The following PAPPA variants were observed in gnomAD, a reference collection of about 807,000 sequenced individuals.
The protein encoded by PAPPA is pappalysin-1.
In PAPPA, 60 loss-of-function variants were observed where a neutral mutation model predicts 164.0. The ratio of observed to expected loss-of-function variants is 0.37; its 90% CI spans 0.30 to 0.45. The LOEUF (loss-of-function observed/expected upper bound fraction) is 0.45. Among genes scored for constraint, PAPPA ranks in the 20% least tolerant of loss-of-function variants. PAPPA has a pLI of 1.00. For synonymous variants in PAPPA, 875 were observed against 814.1 expected, an observed-to-expected ratio of 1.07 and a Z score of -1.27; for missense variants, 1,782 against 2,087.3, an observed-to-expected ratio of 0.85 and a Z score of 2.85.
chr9:116,358,508 TG>T (rs1185371788), intron 17 of PAPPA, among the ~76,000 whole-genome samples: 1 of 152,230 alleles, frequency 6.6e-6, no homozygotes, highest in African/African-American at 2.4e-5. Flanking sequence ...ATGGGGAAGC[TG>T]GTGTAAACTG....
chr9:116,319,496 A>G (rs1845827290), intron 10 of PAPPA, among the ~76,000 whole-genome samples: 1 of 152,036 alleles, frequency 6.6e-6, no homozygotes, highest in South Asian at 2.1e-4. Flanking sequence ...CAGTACTTCC[A>G]CTGCTATTGT....
chr9:116,366,592 C>T (rs1383305333), intron 18 of PAPPA, among the ~76,000 whole-genome samples: 1 of 152,214 alleles, frequency 6.6e-6, no homozygotes, highest in African/African-American at 2.4e-5. Flanking sequence ...TACTTATTCA[C>T]TCACTGTCTC....
At chr9:116,261,283 A>T (rs1484931583) in intron 7 of PAPPA, among the ~76,000 whole-genome samples, 1 of 152,226 alleles carries the variant, frequency 6.6e-6, no homozygotes, top group Non-Finnish European at 1.5e-5. Context: ...CTATTTGAAG[A>T]GATAGACAAT....
intron 9 of PAPPA, among the ~76,000 whole-genome samples, chr9:116,290,548 A>C (rs751932708): frequency 6.6e-6 from 1 of 152,292 alleles, no homozygotes; most frequent in Non-Finnish European, 1.5e-5. Flanking sequence ...TGACTTGTCC[A>C]AAGTCATAGG....
chr9:116,293,799 A>T (rs1454324694), intron 9 of PAPPA, among the ~76,000 whole-genome samples: 1 of 152,120 alleles, frequency 6.6e-6, no homozygotes, highest in Non-Finnish European at 1.5e-5. Context: ...TATTCAAAAT[A>T]CAAAAAATTC....
chr9:116,204,737 G>A (rs1334949766), intron 2 of PAPPA, among the ~76,000 whole-genome samples: 1 of 152,128 alleles, frequency 6.6e-6, no homozygotes, highest in Non-Finnish European at 1.5e-5. Flanking sequence ...AAGTACATTT[G>A]ACCAATTTAC....
chr9:116,173,286 C>T (rs182280998), intron 1 of PAPPA, among the ~76,000 whole-genome samples: 2 of 152,230 alleles, frequency 1.3e-5, no homozygotes, highest in East Asian at 3.9e-4. Context: ...AGTAGTGTAT[C>T]AAACCTCTCT....
chr9:116,273,795 G>A lies in PAPPA; in HGVS notation c.2953+2379G>A, dbSNP rs543104908. Among the ~76,000 whole-genome samples, 65 of 152,150 alleles carry A rather than the reference G, an allele frequency of 4.3e-4. 1 individual carries two copies. The South Asian group carries it at 0.013, about 31-fold the overall frequency. On this transcript the variant is annotated intron_variant, in intron 9 of 21. Coordinates refer to ENST00000328252, the MANE Select transcript of PAPPA (RefSeq NM_002581.5). ...TCTCAAAATAAAATAAAAAAGATGAGGGAGTTTCCAAGAGGATGAGACTGA... is the reference window on the plus strand; with the variant it reads ...TCTCAAAATAAAATAAAAAAGATGAAGGAGTTTCCAAGAGGATGAGACTGA...
chr9:116,215,720 G>A (rs544940433), intron 4 of PAPPA, among the ~76,000 whole-genome samples: 6 of 152,204 alleles, frequency 3.9e-5, no homozygotes, highest in African/African-American at 1.4e-4. Context: ...TAAGAAATCT[G>A]CACATGTACT....
rs1284272912 is a variant in PAPPA at position 116,401,294 on chromosome 9, T to C, written c.*4678T>C. 1.3e-5 allele frequency: 2 copies of C among 152,592 alleles called. No homozygotes were observed. The highest frequency in any genetic ancestry group is 2.4e-5 in the African/African-American group (1 of 41,462). 9.5% of individuals were successfully genotyped at this position (152,592 alleles called of 1,614,324 possible). A position where few individuals can be genotyped will look rare whatever the true frequency, so the allele number is the denominator to read the frequency against. On this transcript the variant is annotated 3_prime_UTR_variant, in exon 22 of 22. Transcript: ENST00000328252. ...AAGACTTCTGGTCATTTCCAACTTATAGAGGAAGGGAGTCTCTAAAATCTC... is the reference window on the plus strand; with the variant it reads ...AAGACTTCTGGTCATTTCCAACTTACAGAGGAAGGGAGTCTCTAAAATCTC...
At chr9:116,270,480 G>T (rs1804487159) in intron 8 of PAPPA, among the ~76,000 whole-genome samples, 1 of 152,160 alleles carries the variant, frequency 6.6e-6, no homozygotes, top group East Asian at 1.9e-4. Flanking sequence ...AGATCAAGAG[G>T]TCAAGTGACT....
At chr9:116,233,933 A>C (rs1021196315) in intron 6 of PAPPA, among the ~76,000 whole-genome samples, 1 of 151,998 alleles carries the variant, frequency 6.6e-6, no homozygotes, top group Non-Finnish European at 1.5e-5. Flanking sequence ...ACACATGCCT[A>C]TATTCAGCTA....
chr9:116,301,275 T>C (rs1845576215), intron 9 of PAPPA, among the ~76,000 whole-genome samples: 1 of 152,174 alleles, frequency 6.6e-6, no homozygotes, highest in South Asian at 2.1e-4. Context: ...GATGATAAAT[T>C]ATATAGTAAC....
intron 7 of PAPPA, among the ~76,000 whole-genome samples, chr9:116,261,614 A>G (rs186890561): frequency 1.4e-3 from 216 of 152,332 alleles, no homozygotes; most frequent in Non-Finnish European, 1.2e-3. Context: ...TTTTAAATGC[A>G]TATTTAAGCT....
intron 2 of PAPPA, among the ~76,000 whole-genome samples, chr9:116,192,937 C>A (rs1271743833): frequency 6.6e-6 from 1 of 152,142 alleles, no homozygotes; most frequent in Non-Finnish European, 1.5e-5. Flanking sequence ...AGCAAACCAA[C>A]CAAGTTCCTG....
chr9:116,219,701 T>A (rs904320574), intron 4 of PAPPA, among the ~76,000 whole-genome samples: 3 of 152,154 alleles, frequency 2.0e-5, no homozygotes, highest in African/African-American at 7.2e-5. Flanking sequence ...AGCCATACTT[T>A]TTCAGTTACA....
intron 19 of PAPPA, among the ~76,000 whole-genome samples, chr9:116,371,590 CT>C (rs1564245592): frequency 1.3e-5 from 2 of 152,002 alleles, no homozygotes; most frequent in Non-Finnish European, 2.9e-5. Flanking sequence ...TTCTACTTTT[CT>C]TTTTTTCAAT....
At chr9:116,247,545 G>C (rs190416881) in intron 7 of PAPPA, among the ~76,000 whole-genome samples, 6 of 152,252 alleles carry the variant, frequency 3.9e-5, no homozygotes, top group Admixed American at 2.0e-4. Flanking sequence ...TCTGGGGGTA[G>C]GTAGGATGGA....
intron 1 of PAPPA, among the ~76,000 whole-genome samples, chr9:116,184,492 C>A (rs1286451633): frequency 6.6e-6 from 1 of 152,132 alleles, no homozygotes; most frequent in African/African-American, 2.4e-5. Context: ...TCCTTTTCAT[C>A]CTCTACATCA....
Sources: gnomAD v4.1 joint callset for allele counts (sites outside exome capture counted in the v4.1 genomes callset) on GRCh38, gnomAD v4.1.1 for gene constraint, MANE v1.5 for transcripts, NCBI Gene and HGNC (gene_info 2026-07-23, HGNC 2026-07-21) for gene names.